Variants in ARID2 observed in about 807,000 individuals in gnomAD.
ARID2 encodes the protein AT-rich interactive domain-containing protein 2.
Under a neutral mutation model 184.6 loss-of-function variants are expected in ARID2, and 32 were observed. That is an observed-to-expected ratio of 0.17 (90% CI 0.13 to 0.23). The LOEUF (loss-of-function observed/expected upper bound fraction) is 0.23. ARID2 is among the 10% of genes least tolerant of loss of function. The probability of loss-of-function intolerance (pLI) is 1.00; values close to 1 mark genes in which losing one functional copy is unlikely to be tolerated. For missense variants in ARID2, 1,696 were observed against 2,197.6 expected, an observed-to-expected ratio of 0.77 and a Z score of 4.56; for synonymous variants, 836 against 772.6, an observed-to-expected ratio of 1.08 and a Z score of -1.36.
chr12:45,745,118 A>G (rs1356784410), intron 3 of ARID2, among the ~76,000 whole-genome samples: 1 of 152,220 alleles, frequency 6.6e-6, no homozygotes, highest in Non-Finnish European at 1.5e-5. Flanking sequence ...TTAAAGGGCT[A>G]AGTTGAAGTG....
intron 16 of ARID2, among the ~76,000 whole-genome samples, chr12:45,864,709 GATATGTAAT>G (rs1592129799): frequency 6.6e-6 from 1 of 152,126 alleles, no homozygotes; most frequent in Non-Finnish European, 1.5e-5. Context: ...TCCATCAGGA[GATATGTAAT>G]ATCTTCTTGT....
intron 10 of ARID2, 32 bp downstream of exon 10, chr12:45,837,739 T>TAA (rs1943247109): frequency 6.3e-7 from 1 of 1,591,698 alleles, no homozygotes; most frequent in Non-Finnish European, 8.6e-7. Flanking sequence ...CTTATTTTCT[T>TAA]TATTGAGTAA....
At chr12:45,793,420 T>A (rs189893348) in intron 3 of ARID2, among the ~76,000 whole-genome samples, 129 of 152,146 alleles carry the variant, frequency 8.5e-4, no homozygotes, top group African/African-American at 3.0e-3. Flanking sequence ...ATTAATTTAT[T>A]ATTTACACTC....
chr12:45,730,227 G>A, intron 2 of ARID2, 90 bp downstream of exon 2: 2 of 1,319,500 alleles, frequency 1.5e-6, no homozygotes, highest in South Asian at 2.7e-5. Flanking sequence ...GGGGCTGGGG[G>A]GGTGGCCCGC....
At chr12:45,748,791 A>C (rs891282223) in intron 3 of ARID2, among the ~76,000 whole-genome samples, 2 of 152,098 alleles carry the variant, frequency 1.3e-5, no homozygotes, top group African/African-American at 2.4e-5. Flanking sequence ...ATTCTATCTC[A>C]ATAAACCATT....
At chr12:45,882,350 C>T (rs979320237) in intron 16 of ARID2, 1 of 152,082 alleles carries the variant, frequency 6.6e-6, no homozygotes, top group Admixed American at 6.6e-5. Context: ...ACTTTTGTAC[C>T]GAACTGGCTA....
At chr12:45,732,043 G>A (rs1301347158) in intron 3 of ARID2, among the ~76,000 whole-genome samples, 2 of 150,386 alleles carry the variant, frequency 1.3e-5, no homozygotes, top group Non-Finnish European at 3.0e-5. Context: ...ATGTGATACA[G>A]TCTAGATGAT....
At chr12:45,856,049 C>A (rs549750985) in intron 15 of ARID2, among the ~76,000 whole-genome samples, 3 of 123,340 alleles carry the variant, frequency 2.4e-5, no homozygotes, top group African/African-American at 5.9e-5. Context: ...TTTATGTACT[C>A]TTTTTCTTTC....
At chr12:45,802,730 G>GA (rs899348545) in intron 3 of ARID2, among the ~76,000 whole-genome samples, 7 of 151,248 alleles carry the variant, frequency 4.6e-5, no homozygotes, top group Admixed American at 3.9e-4. Context: ...GTGTGGTAAA[G>GA]AAAAAAAAAT....
At chr12:45,872,654 CAGG>C (rs1345431167) in intron 16 of ARID2, among the ~76,000 whole-genome samples, 2 of 152,204 alleles carry the variant, frequency 1.3e-5, no homozygotes, top group Admixed American at 6.5e-5. Context: ...CACTCACTAT[CAGG>C]AGAACAGCAG....
intron 3 of ARID2, among the ~76,000 whole-genome samples, chr12:45,757,246 A>G (rs191116488): frequency 1.3e-5 from 2 of 152,304 alleles, no homozygotes; most frequent in East Asian, 1.9e-4. Flanking sequence ...CTTAAATACT[A>G]TTTGGAAAAA....
At chr12:45,872,950 A>G (rs966774624) in intron 16 of ARID2, among the ~76,000 whole-genome samples, 9 of 152,318 alleles carry the variant, frequency 5.9e-5, no homozygotes, top group South Asian at 2.1e-4. Flanking sequence ...GGATCTGTCA[A>G]TTACTGATAG....
chr12:45,819,987 G>A (rs1329698723), intron 5 of ARID2, among the ~76,000 whole-genome samples: 1 of 151,968 alleles, frequency 6.6e-6, no homozygotes, highest in African/African-American at 2.4e-5. Context: ...CAAGTGATCT[G>A]CCCGCCTCGG....
At chr12:45,900,788 T>G (rs1239821704) in intron 20 of ARID2, among the ~76,000 whole-genome samples, 2 of 152,230 alleles carry the variant, frequency 1.3e-5, no homozygotes, top group African/African-American at 4.8e-5. Context: ...CATTCTAGAT[T>G]GAAAAATCAT....
rs544303594 is a variant in ARID2, at chr12:45,776,644, T to C, written c.285-34774T>C. Among the ~76,000 whole-genome samples, 116 of 152,264 alleles carry C rather than the reference T, an allele frequency of 7.6e-4. 2 individuals carry two copies. Among genetic ancestry groups the C allele is most frequent in the Non-Finnish European group, 8.8e-5 (6 of 68,010 alleles). ...AGGATTTTTTTAAAAATTCACATGCTTCTATAGAAACTTTAAAAATCGAGG... is the reference window on the plus strand; with the variant it reads ...AGGATTTTTTTAAAAATTCACATGCCTCTATAGAAACTTTAAAAATCGAGG... On this transcript the variant is annotated intron_variant, in intron 3 of 20. Coordinates refer to ENST00000334344, the MANE Select transcript of ARID2 (RefSeq NM_152641.4).
At chr12:45,866,779 A>G (rs1204223057) in intron 16 of ARID2, among the ~76,000 whole-genome samples, 1 of 152,212 alleles carries the variant, frequency 6.6e-6, no homozygotes. Flanking sequence ...CCCCACAAAT[A>G]TTACATCTTT....
At chr12:45,744,418 A>C (rs1941319910) in intron 3 of ARID2, among the ~76,000 whole-genome samples, 1 of 152,046 alleles carries the variant, frequency 6.6e-6, no homozygotes, top group Non-Finnish European at 1.5e-5. Context: ...ATCTATATTT[A>C]AGAGAGGGGC....
intron 4 of ARID2, among the ~76,000 whole-genome samples, chr12:45,812,034 A>G (rs1472268736): frequency 2.6e-5 from 4 of 151,696 alleles, no homozygotes; most frequent in Non-Finnish European, 5.9e-5. Flanking sequence ...AGAGGAATCC[A>G]CAGCTTGAAA....
At chr12:45,849,850 G>T in intron 14 of ARID2, 74 bp downstream of exon 14, 1 of 1,445,536 alleles carries the variant, frequency 6.9e-7, no homozygotes, top group Non-Finnish European at 9.3e-7. Context: ...TATATTCTAT[G>T]CATTTTAAAT....
Sources: allele counts gnomAD v4.1 joint callset (sites outside exome capture counted in the v4.1 genomes callset), GRCh38; gene constraint gnomAD v4.1.1; transcripts MANE v1.5; gene names NCBI Gene and HGNC (gene_info 2026-07-23, HGNC 2026-07-21).